The following SLC24A3 variants were observed in gnomAD, a reference collection of about 807,000 sequenced individuals.
SLC24A3 encodes the protein sodium/potassium/calcium exchanger 3.
Under a neutral mutation model 75.8 loss-of-function variants are expected in SLC24A3, and 28 were observed. The observed-to-expected ratio is 0.37, with a 90% CI of 0.27 to 0.51. The LOEUF (loss-of-function observed/expected upper bound fraction) is 0.51. SLC24A3 is among the 20% of genes least tolerant of loss of function. SLC24A3 has a pLI of 0.94. For missense variants in SLC24A3, 663 were observed against 847.8 expected, an observed-to-expected ratio of 0.78 and a Z score of 2.71; for synonymous variants, 372 against 334.1, an observed-to-expected ratio of 1.11 and a Z score of -1.24.
intron 3 of SLC24A3, among the ~76,000 whole-genome samples, chr20:19,543,835 G>A (rs955181016): frequency 2.0e-5 from 3 of 152,132 alleles, no homozygotes; most frequent in Non-Finnish European, 2.9e-5. Context: ...GTCCTGCCTC[G>A]GGTACAATTT....
chr20:19,507,316 G>A (rs748007952), intron 2 of SLC24A3, among the ~76,000 whole-genome samples: 5 of 152,202 alleles, frequency 3.3e-5, no homozygotes, highest in Non-Finnish European at 2.9e-5. Context: ...GGCAAACAAC[G>A]TGCAAAAGGC....
intron 2 of SLC24A3, among the ~76,000 whole-genome samples, chr20:19,439,002 G>C (rs1332033741): frequency 2.6e-5 from 4 of 152,260 alleles, no homozygotes; most frequent in Admixed American, 6.5e-5. Flanking sequence ...CCCGGGGGAA[G>C]AAGCCTTTGG....
chr20:19,494,314 A>G lies in SLC24A3; in HGVS notation c.272-21174A>G, dbSNP rs567881696. On this transcript the variant is annotated intron_variant, in intron 2 of 16. Coordinates refer to ENST00000328041, the MANE Select transcript of SLC24A3 (RefSeq NM_020689.4). ...TCCAGAATTGAAAATGCTTCAGCAG[A>G]GAAGTACTCTTGCAGTAAACTGGCT... is the stretch of plus-strand genomic sequence containing the variant. Among the ~76,000 whole-genome samples the G allele has an allele frequency of 7.9e-5, 12 of 152,384 alleles. No individual in the cohort carries two copies. The South Asian group carries it at 2.1e-3, about 26-fold the overall frequency.
chr20:19,436,212 C>A (rs927379883), intron 2 of SLC24A3, among the ~76,000 whole-genome samples: 6 of 152,152 alleles, frequency 3.9e-5, no homozygotes, highest in Non-Finnish European at 7.3e-5. Context: ...TTCCTAGTTG[C>A]ACTGAGCCAC....
chr20:19,364,793 TC>T (rs1600449712), intron 2 of SLC24A3, among the ~76,000 whole-genome samples: 1 of 152,038 alleles, frequency 6.6e-6, no homozygotes, highest in East Asian at 1.9e-4. Context: ...TGCCTCAGCA[TC>T]CCCAGGGCTG....
intron 2 of SLC24A3, among the ~76,000 whole-genome samples, chr20:19,369,923 C>A (rs903797053): frequency 3.3e-5 from 5 of 152,084 alleles, no homozygotes; most frequent in African/African-American, 1.2e-4. Context: ...CCACTTCGGC[C>A]TCTCAAAGTG....
chr20:19,484,163 T>C (rs1004874401), intron 2 of SLC24A3, among the ~76,000 whole-genome samples: 6 of 152,200 alleles, frequency 3.9e-5, no homozygotes, highest in Non-Finnish European at 7.3e-5. Context: ...ACCAGAAGTA[T>C]TTTGAATTTT....
chr20:19,535,798 CAT>C (rs1343169830), intron 3 of SLC24A3, among the ~76,000 whole-genome samples: 1 of 152,084 alleles, frequency 6.6e-6, no homozygotes, highest in African/African-American at 2.4e-5. Context: ...GATGCTATAA[CAT>C]AACATCACAG....
At chr20:19,623,369 A>C (rs2031828915) in intron 6 of SLC24A3, among the ~76,000 whole-genome samples, 1 of 152,218 alleles carries the variant, frequency 6.6e-6, no homozygotes, top group Non-Finnish European at 1.5e-5. Flanking sequence ...AGCAGCAAGC[A>C]TGCTCAGCTC....
chr20:19,241,068 T>G (rs756515766), intron 1 of SLC24A3, among the ~76,000 whole-genome samples: 6 of 152,196 alleles, frequency 3.9e-5, no homozygotes, highest in Non-Finnish European at 7.3e-5. Context: ...TAGATTTAGA[T>G]CCTACTGTTT....
At chr20:19,437,826 T>A (rs1987232453) in intron 2 of SLC24A3, among the ~76,000 whole-genome samples, 1 of 152,168 alleles carries the variant, frequency 6.6e-6, no homozygotes, top group African/African-American at 2.4e-5. Flanking sequence ...CTCCACCCTG[T>A]TCCCCCTGCT....
chr20:19,528,868 T>C (rs920147354), intron 3 of SLC24A3, among the ~76,000 whole-genome samples: 1 of 152,198 alleles, frequency 6.6e-6, no homozygotes, highest in Non-Finnish European at 1.5e-5. Flanking sequence ...GTTTGACTGA[T>C]TGTGGGCCTC....
rs571040188 is a variant in SLC24A3 at position 19,381,258 on chromosome 20, A to G, written c.271+100171A>G. 3.3e-5 allele frequency among the ~76,000 whole-genome samples: 5 copies of G among 152,342 alleles called. No homozygotes were observed. The South Asian group carries it at 8.3e-4, about 25-fold the overall frequency. On this transcript the variant is annotated intron_variant, in intron 2 of 16. Transcript: ENST00000328041. Reference sequence around the variant, plus strand: ...TGGGGACTCAACAGTGTCAAAAACTAAGTTCCAGCCACCATGGAGCTTACA... The same window carrying G: ...TGGGGACTCAACAGTGTCAAAAACTGAGTTCCAGCCACCATGGAGCTTACA...
At chr20:19,408,985 A>C (rs929535423) in intron 2 of SLC24A3, among the ~76,000 whole-genome samples, 1 of 152,208 alleles carries the variant, frequency 6.6e-6, no homozygotes. Context: ...ACAGGGATGC[A>C]CATGAGAAAT....
At chr20:19,443,507 T>C (rs1443091839) in intron 2 of SLC24A3, among the ~76,000 whole-genome samples, 1 of 152,206 alleles carries the variant, frequency 6.6e-6, no homozygotes, top group African/African-American at 2.4e-5. Flanking sequence ...CAATTGACTT[T>C]TGTAAATTAA....
At chr20:19,473,850 A>G (rs1399222675) in intron 2 of SLC24A3, among the ~76,000 whole-genome samples, 1 of 152,212 alleles carries the variant, frequency 6.6e-6, no homozygotes, top group African/African-American at 2.4e-5. Context: ...GTCCTTTGCA[A>G]TCAGATCAGT....
intron 3 of SLC24A3, among the ~76,000 whole-genome samples, chr20:19,524,370 C>T (rs995303452): frequency 1.3e-5 from 2 of 152,162 alleles, no homozygotes; most frequent in African/African-American, 2.4e-5. Context: ...AAACTCTGGC[C>T]GGAGTTGACC....
intron 2 of SLC24A3, among the ~76,000 whole-genome samples, chr20:19,442,960 T>C (rs1028203014): frequency 6.6e-6 from 1 of 152,222 alleles, no homozygotes; most frequent in African/African-American, 2.4e-5. Context: ...CTTTTCTCTA[T>C]TGCATTGCCT....
chr20:19,493,947 C>CT (rs1256172874), intron 2 of SLC24A3, among the ~76,000 whole-genome samples: 1 of 152,230 alleles, frequency 6.6e-6, no homozygotes, highest in Non-Finnish European at 1.5e-5. Flanking sequence ...TTGCTGGACA[C>CT]TGTATCTCTT....
Sources: gnomAD v4.1 joint callset for allele counts (sites outside exome capture counted in the v4.1 genomes callset) on GRCh38, gnomAD v4.1.1 for gene constraint, MANE v1.5 for transcripts, NCBI Gene and HGNC (gene_info 2026-07-23, HGNC 2026-07-21) for gene names.